The following SEMA6D variants were observed in gnomAD, a reference collection of about 807,000 sequenced individuals.
SEMA6D encodes the protein semaphorin 6D, also known as semaphorin-6D.
A neutral mutation model predicts 106.6 loss-of-function variants in SEMA6D; 35 were observed. The observed-to-expected ratio is 0.33, with a 90% confidence interval of 0.25 to 0.44. The LOEUF is 0.44. Among genes scored for constraint, SEMA6D ranks in the 20% least tolerant of loss-of-function variants. The probability of loss-of-function intolerance (pLI) is 1.00; values close to 1 mark genes in which losing one functional copy is unlikely to be tolerated. For synonymous variants in SEMA6D, 499 were observed against 487.7 expected, an observed-to-expected ratio of 1.02 and a Z score of -0.31; for missense variants, 1,185 against 1,345.9, an observed-to-expected ratio of 0.88 and a Z score of 1.87.
At chr15:47,754,009 A>G (rs1226470770) in intron 1 of SEMA6D, among the ~76,000 whole-genome samples, 2 of 152,132 alleles carry the variant, frequency 1.3e-5, no homozygotes. Context: ...CCTTTGAACT[A>G]TCTAGTTTTC....
At chr15:47,353,889 A>G (rs1006930246) in intron 1 of SEMA6D, among the ~76,000 whole-genome samples, 1 of 152,158 alleles carries the variant, frequency 6.6e-6, no homozygotes, top group Admixed American at 6.5e-5. Context: ...TATTGAAAGC[A>G]TTGACTTAGA....
chr15:47,465,896 A>G (rs1205848199), intron 2 of SEMA6D, among the ~76,000 whole-genome samples: 1 of 80,546 alleles, frequency 1.2e-5, no homozygotes, highest in African/African-American at 3.9e-5. Flanking sequence ...ATTCTGCAAT[A>G]ATATTACCTA....
At chr15:47,711,902 T>C (rs1010171708) in intron 4 of SEMA6D, among the ~76,000 whole-genome samples, 4 of 152,302 alleles carry the variant, frequency 2.6e-5, no homozygotes, top group African/African-American at 9.6e-5. Context: ...CCTGTACCTA[T>C]AATGTAGGGG....
At chr15:47,301,537 C>T (rs7178329) in intron 1 of SEMA6D, among the ~76,000 whole-genome samples, 162 of 152,172 alleles carry the variant, frequency 1.1e-3, no homozygotes, top group African/African-American at 3.9e-3. Flanking sequence ...CCTGAAGGTC[C>T]CTAGGCAGAT....
At chr15:47,344,004 G>C (rs2037938835) in intron 1 of SEMA6D, among the ~76,000 whole-genome samples, 1 of 152,162 alleles carries the variant, frequency 6.6e-6, no homozygotes, top group African/African-American at 2.4e-5. Context: ...CTGGCCATCA[G>C]AGAAATGCAA....
At chr15:47,371,797 G>C (rs979962900) in intron 1 of SEMA6D, among the ~76,000 whole-genome samples, 23 of 152,164 alleles carry the variant, frequency 1.5e-4, no homozygotes, top group African/African-American at 4.1e-4. Flanking sequence ...TGATGATGAT[G>C]ATCATCATAG....
At chr15:47,645,889 G>C (rs2077573686) in intron 4 of SEMA6D, among the ~76,000 whole-genome samples, 1 of 152,170 alleles carries the variant, frequency 6.6e-6, no homozygotes, top group African/African-American at 2.4e-5. Context: ...GACTAGAGAG[G>C]ACACAGGTGA....
At chr15:47,455,418 A>G (rs1172562342) in intron 2 of SEMA6D, among the ~76,000 whole-genome samples, 2 of 152,002 alleles carry the variant, frequency 1.3e-5, no homozygotes, top group South Asian at 2.1e-4. Context: ...AAATGAAACT[A>G]CATTCATGCA....
chr15:47,425,491 T>C (rs1027983986), intron 2 of SEMA6D, among the ~76,000 whole-genome samples: 1 of 152,080 alleles, frequency 6.6e-6, no homozygotes, highest in Non-Finnish European at 1.5e-5. Flanking sequence ...TTGATCCATG[T>C]TGGCCTACAA....
rs1210677907 is a variant in SEMA6D at position 47,413,600 on chromosome 15, C to T, written c.-159+1128C>T. Reference sequence around the variant, plus strand: ...CTAGGCTCAAAGGATCCCCCCACCTCAGCCTCCTGAGTAGCTAGGACTACA... The same window carrying T: ...CTAGGCTCAAAGGATCCCCCCACCTTAGCCTCCTGAGTAGCTAGGACTACA... On this transcript the variant is annotated intron_variant, in intron 2 of 19. Coordinates refer to the SEMA6D transcript ENST00000558014. Among the ~76,000 whole-genome samples the T allele has an allele frequency of 2.6e-5, 4 of 152,076 alleles. No individual in the cohort carries two copies. In the East Asian group the frequency reaches 5.8e-4, roughly 22 times the overall value.
At chr15:47,444,016 C>T (rs2041955230) in intron 2 of SEMA6D, among the ~76,000 whole-genome samples, 1 of 152,102 alleles carries the variant, frequency 6.6e-6, no homozygotes, top group Admixed American at 6.5e-5. Flanking sequence ...TGGTCAGAAT[C>T]CTAACCAGTG....
chr15:47,232,214 C>T (rs1308419237), intron 1 of SEMA6D, among the ~76,000 whole-genome samples: 1 of 151,900 alleles, frequency 6.6e-6, no homozygotes, highest in African/African-American at 2.4e-5. Flanking sequence ...CATCATATTC[C>T]ACTGTAAGGA....
intron 1 of SEMA6D, among the ~76,000 whole-genome samples, chr15:47,305,422 A>C (rs1280875514): frequency 6.6e-6 from 1 of 152,216 alleles, no homozygotes; most frequent in Non-Finnish European, 1.5e-5. Flanking sequence ...CTTTGTGAAA[A>C]AAGCCATGAT....
chr15:47,304,837 G>A (rs1331188748), intron 1 of SEMA6D, among the ~76,000 whole-genome samples: 3 of 152,112 alleles, frequency 2.0e-5, no homozygotes, highest in Admixed American at 1.3e-4. Context: ...TGTGAAATGG[G>A]AGGAAATTTG....
At chr15:47,703,175 T>C (rs527916734) in intron 4 of SEMA6D, among the ~76,000 whole-genome samples, 1 of 152,216 alleles carries the variant, frequency 6.6e-6, no homozygotes, top group Non-Finnish European at 1.5e-5. Flanking sequence ...ATTTCTATAA[T>C]CTATAGCAGG....
intron 4 of SEMA6D, among the ~76,000 whole-genome samples, chr15:47,645,729 C>G (rs1217814391): frequency 1.3e-5 from 2 of 152,162 alleles, no homozygotes; most frequent in African/African-American, 4.8e-5. Context: ...ACATGCCAAT[C>G]ATAAGCCCCG....
chr15:47,676,271 C>G (rs1252387304), intron 4 of SEMA6D, among the ~76,000 whole-genome samples: 1 of 152,128 alleles, frequency 6.6e-6, no homozygotes, highest in East Asian at 1.9e-4. Context: ...TAGACCCTGC[C>G]TGATGCAACT....
At chr15:47,675,783 T>G (rs1162136197) in intron 4 of SEMA6D, among the ~76,000 whole-genome samples, 1 of 152,208 alleles carries the variant, frequency 6.6e-6, no homozygotes, top group Non-Finnish European at 1.5e-5. Flanking sequence ...TCTGTGGTGG[T>G]TCTGGGCTTA....
At chr15:47,507,365 T>C (rs911791698) in intron 3 of SEMA6D, among the ~76,000 whole-genome samples, 8 of 46,648 alleles carry the variant, frequency 1.7e-4, no homozygotes, top group African/African-American at 6.4e-4. Flanking sequence ...CCGGGCCTTA[T>C]ATTCCTTGGC....
Sources: allele counts gnomAD v4.1 joint callset (sites outside exome capture counted in the v4.1 genomes callset), GRCh38; gene constraint gnomAD v4.1.1; transcripts MANE v1.5; gene names NCBI Gene and HGNC (gene_info 2026-07-23, HGNC 2026-07-21).